The following RFX8 variants were observed in gnomAD, a reference collection of about 807,000 sequenced individuals.
RFX8 encodes the protein DNA-binding protein RFX8.
A neutral mutation model predicts 54.6 loss-of-function variants in RFX8; 46 were observed. The observed-to-expected ratio is 0.84, with a 90% CI of 0.67 to 1.08. RFX8 has a LOEUF of 1.08. RFX8 is among the 50% of genes least tolerant of loss of function. The pLI is 0.00. For synonymous variants in RFX8, 192 were observed against 209.5 expected, an observed-to-expected ratio of 0.92 and a Z score of 0.72; for missense variants, 536 against 562.3, an observed-to-expected ratio of 0.95 and a Z score of 0.47.
At chr2:101,404,937 C>T (rs998265454) in intron 10 of RFX8, among the ~76,000 whole-genome samples, 1 of 152,170 alleles carries the variant, frequency 6.6e-6, no homozygotes, top group Non-Finnish European at 1.5e-5. Context: ...GCTTTCTCTT[C>T]CTTCTTGCTG....
chr2:101,437,004 C>T (rs1687816410), intron 2 of RFX8, among the ~76,000 whole-genome samples: 1 of 152,180 alleles, frequency 6.6e-6, no homozygotes, highest in Non-Finnish European at 1.5e-5. Context: ...CTCGGACCCT[C>T]CAAGAAATGG....
At chr2:101,461,035 G>A (rs893821303) in intron 2 of RFX8, among the ~76,000 whole-genome samples, 28 of 151,638 alleles carry the variant, frequency 1.8e-4, no homozygotes, top group African/African-American at 5.8e-4. Flanking sequence ...TTGGGAGGCC[G>A]AGGTGGGCAG....
chr2:101,455,651 A>G (rs2148979304), intron 2 of RFX8, among the ~76,000 whole-genome samples: 1 of 152,278 alleles, frequency 6.6e-6, no homozygotes, highest in Non-Finnish European at 1.5e-5. Flanking sequence ...AGGTAGTGTG[A>G]TGCCTCCAGC....
intron 2 of RFX8, among the ~76,000 whole-genome samples, chr2:101,449,898 G>A (rs1256989084): frequency 2.0e-5 from 3 of 152,126 alleles, no homozygotes; most frequent in African/African-American, 7.2e-5. Context: ...GCTGGTGGGG[G>A]TTGGATGACA....
chr2:101,436,613 C>T lies in RFX8; in HGVS notation c.73-14141G>A, dbSNP rs565811315. Among the ~76,000 whole-genome samples, 314 of 74,470 alleles carry T rather than the reference C, an allele frequency of 4.2e-3. 1 individual carries two copies. The highest frequency in any genetic ancestry group is 0.028 in the Middle Eastern group (3 of 106). The allele number at this position is 74,470 out of a possible 152,430, so 48.9% of individuals were successfully genotyped here. A position where few individuals can be genotyped will look rare whatever the true frequency, so the allele number is the denominator to read the frequency against. The stretch of plus-strand genomic sequence containing the variant: ...TGCACACATAGAGAAATGGCTGCTT[C>T]ACCCAGGCATAAAACATTGGGGAAA... On this transcript the variant is annotated intron_variant, in intron 2 of 11. Coordinates refer to ENST00000428343, the MANE Select transcript of RFX8 (RefSeq NM_001145664.2).
chr2:101,416,327 C>T (rs1244542607), intron 6 of RFX8, among the ~76,000 whole-genome samples: 1 of 152,144 alleles, frequency 6.6e-6, no homozygotes, highest in East Asian at 1.9e-4. Flanking sequence ...CTCCCCACTC[C>T]TTGGACCGCT....
intron 2 of RFX8, among the ~76,000 whole-genome samples, chr2:101,453,892 T>C (rs1688829070): frequency 6.6e-6 from 1 of 152,110 alleles, no homozygotes; most frequent in Non-Finnish European, 1.5e-5. Flanking sequence ...GTGATAGTCA[T>C]TTTCACTTTT....
chr2:101,437,033 A>G (rs1291786659), intron 2 of RFX8, among the ~76,000 whole-genome samples: 1 of 152,204 alleles, frequency 6.6e-6, no homozygotes, highest in African/African-American at 2.4e-5. Flanking sequence ...GGGCTGTGGG[A>G]TACTTCATGG....
chr2:101,419,021 C>T, intron 4 of RFX8, 57 bp from the exon 5 acceptor site: 2 of 830,994 alleles, frequency 2.4e-6, no homozygotes, highest in South Asian at 1.6e-5. Flanking sequence ...GCAAGACTAA[C>T]CCCCCGCCAC....
rs1021188559 is a variant in RFX8 at position 101,413,055 on chromosome 2, A to C, written c.578T>G (p.Leu193Trp). Residue 193 changes from leucine (L) to tryptophan (W), a missense_variant, in exon 8 of 12, where the codon TTG (leucine) becomes TGG (tryptophan). Coordinates refer to ENST00000428343, the MANE Select transcript of RFX8 (RefSeq NM_001145664.2). ...SNMAKTMRMV[L>W]KSKRRVSVLK... ...AACGCTGACACGCCTCTTACTTTTC[A>C]ATACCATTCGCATAGTCTAAAGATA... 1.3e-6 allele frequency: 2 copies of C among 1,552,014 alleles called. No individual in the cohort carries two copies. Among genetic ancestry groups the C allele is most frequent in the South Asian group, 1.2e-5 (1 of 84,052 alleles).
At chr2:101,405,203 T>C (rs529512536) in intron 10 of RFX8, among the ~76,000 whole-genome samples, 1 of 151,238 alleles carries the variant, frequency 6.6e-6, no homozygotes, top group South Asian at 2.1e-4. Context: ...CTGGAGTGCG[T>C]TGGTGCAATC....
chr2:101,403,946 G>A (rs895058095), intron 10 of RFX8, among the ~76,000 whole-genome samples: 2 of 152,188 alleles, frequency 1.3e-5, no homozygotes, highest in Non-Finnish European at 2.9e-5. Context: ...AATGCTGACA[G>A]TGACAAATAG....
In RFX8 at chr2:101,469,054, ACG is replaced by A. The variant is rs1558896418; in HGVS notation, c.-52-2156_-52-2155del. ...TACGTATATATATGTATATATATATACGTATATATATGTATATATATATAAGT... is the reference window on the plus strand; with the variant it reads ...TACGTATATATATGTATATATATATATATATATATGTATATATATATAAGT... On this transcript the variant is annotated intron_variant, in intron 1 of 11. Coordinates refer to ENST00000428343, the MANE Select transcript of RFX8 (RefSeq NM_001145664.2). Among the ~76,000 whole-genome samples, 261 of 29,652 alleles carry A rather than the reference ACG, an allele frequency of 8.8e-3. 14 individuals are homozygous for A. Among genetic ancestry groups the A allele is most frequent in the African/African-American group, 0.027 (236 of 8,886 alleles). 19.5% of individuals were successfully genotyped at this position (29,652 alleles called of 152,430 possible). A position where few individuals can be genotyped will look rare whatever the true frequency, so the allele number is the denominator to read the frequency against.
In RFX8 at chr2:101,397,730, A is replaced by AGAGGGAAATGTTTT. The variant is rs1685208352; in HGVS notation, c.1246-20_1246-7dup. The stretch of plus-strand genomic sequence containing the variant: ...TCCAACAGCACCTGGATGAGCTGCA[A>AGAGGGAAATGTTTT]GAGGGAAATGTTTTAAGGGAAAAGA... On this transcript the variant is annotated splice_region_variant and splice_polypyrimidine_tract_variant and intron_variant, in intron 11 of 11. Coordinates refer to ENST00000428343, the MANE Select transcript of RFX8 (RefSeq NM_001145664.2). 12 of 1,544,404 alleles carry AGAGGGAAATGTTTT rather than the reference A, an allele frequency of 7.8e-6. No homozygotes were observed. Among genetic ancestry groups the AGAGGGAAATGTTTT allele is most frequent in the African/African-American group, 1.4e-5 (1 of 72,612 alleles).
chr2:101,442,012 A>C (rs1430328424), intron 2 of RFX8, among the ~76,000 whole-genome samples: 1 of 152,100 alleles, frequency 6.6e-6, no homozygotes, highest in Non-Finnish European at 1.5e-5. Flanking sequence ...CTGAGGATTA[A>C]ACAACGTTGA....
At chr2:101,449,204 G>C (rs1688552209) in intron 2 of RFX8, among the ~76,000 whole-genome samples, 1 of 152,208 alleles carries the variant, frequency 6.6e-6, no homozygotes, top group Admixed American at 6.5e-5. Flanking sequence ...TTGGAAAGTG[G>C]AGTCAGAAGA....
At chr2:101,419,272 C>T (rs1452188228) in intron 4 of RFX8, among the ~76,000 whole-genome samples, 1 of 152,196 alleles carries the variant, frequency 6.6e-6, no homozygotes, top group Non-Finnish European at 1.5e-5. Context: ...AGGATGAGGA[C>T]TGGGCCACAG....
At chr2:101,421,601 G>A in intron 4 of RFX8, 123 bp downstream of exon 4, 1 of 1,453,158 alleles carries the variant, frequency 6.9e-7, no homozygotes, top group Non-Finnish European at 9.1e-7. Context: ...GCACTTCAGT[G>A]CAGTGGGTTA....
chr2:101,460,311 CCTGT>C (rs1298567564), intron 2 of RFX8, among the ~76,000 whole-genome samples: 1 of 131,074 alleles, frequency 7.6e-6, no homozygotes, highest in Non-Finnish European at 1.7e-5. Flanking sequence ...GCAGAAATCA[CCTGT>C]CTTTCTGCGT....
Sources: allele counts gnomAD v4.1 joint callset (sites outside exome capture counted in the v4.1 genomes callset), GRCh38; gene constraint gnomAD v4.1.1; transcripts MANE v1.5; gene names NCBI Gene and HGNC (gene_info 2026-07-23, HGNC 2026-07-21).